The following TYW1 variants were observed in gnomAD, a reference collection of about 807,000 sequenced individuals.
The protein encoded by TYW1 is tRNA-yW synthesizing protein 1 homolog, also known as S-adenosyl-L-methionine-dependent tRNA 4-demethylwyosine synthase TYW1.
Under a neutral mutation model 96.2 loss-of-function variants are expected in TYW1, and 46 were observed. The ratio of observed to expected loss-of-function variants is 0.48; its 90% confidence interval spans 0.38 to 0.61. The LOEUF is 0.61. Ranked by LOEUF, TYW1 falls within the 20% of genes least tolerant of loss-of-function variation. The pLI, the probability that TYW1 is intolerant of heterozygous loss-of-function variation, is 0.00. For missense variants in TYW1, 684 were observed against 909.6 expected (o/e 0.75, Z 3.19); for synonymous variants, 274 against 323.0 (o/e 0.85, Z 1.63).
chr7:67,005,465 A>G (rs1212906800), intron 3 of TYW1, among the ~76,000 whole-genome samples: 2 of 152,176 alleles, frequency 1.3e-5, no homozygotes, highest in Non-Finnish European at 2.9e-5. Context: ...GCATGGTGGC[A>G]TGTGCCTGTA....
intron 7 of TYW1, among the ~76,000 whole-genome samples, chr7:67,027,077 G>A (rs534371180): frequency 2.6e-4 from 39 of 151,956 alleles, no homozygotes; most frequent in Admixed American, 1.8e-3. Flanking sequence ...GCATGTGCCC[G>A]TAGTCACAAC....
In TYW1 at chr7:67,009,652, G is replaced by A. The variant is rs200546877; in HGVS notation, c.343G>A (p.Glu115Lys). The A allele has an allele frequency of 8.1e-6, 13 of 1,611,130 alleles. No individual in the cohort carries two copies. In the African/African-American group the frequency reaches 1.7e-4, roughly 22 times the overall value. Residue 115 changes from glutamate to lysine, a missense_variant, in exon 4 of 16, where the codon GAA becomes AAA. Transcript: ENST00000359626. ...GCCTGTGGCCATTATTAATCTAAAAGAATATGATCCAGATGATCATCTGAT... is the reference window on the plus strand; with the variant it reads ...GCCTGTGGCCATTATTAATCTAAAAAAATATGATCCAGATGATCATCTGAT... ...DLPVAIINLK[E>K]YDPDDHLIEE... is the part of the protein sequence containing the mutation.
intron 7 of TYW1, among the ~76,000 whole-genome samples, chr7:67,036,050 T>C (rs1794833348): frequency 6.7e-6 from 1 of 149,864 alleles, no homozygotes; most frequent in African/African-American, 2.4e-5. Context: ...CTTTTTTTTT[T>C]TTTTTTGAGG....
rs539134067 is a variant in TYW1 at position 67,061,551 on chromosome 7, A to C, written c.1155+5664A>C. ...AGGATCTTTGGCCTTCCAGGAAGTG[A>C]CCATTTTTACTGACTCACTGGAAGT... On this transcript the variant is annotated intron_variant, in intron 9 of 15. Transcript: ENST00000359626. Among the ~76,000 whole-genome samples, 603 of 152,286 alleles carry C rather than the reference A, an allele frequency of 4.0e-3. 3 individuals carry two copies. Among genetic ancestry groups the C allele is most frequent in the Admixed American group, 0.025 (375 of 15,288 alleles).
Position 67,022,021 on chromosome 7 carries a change from C to G in TYW1, c.862-2879C>G, listed in dbSNP as rs1371919616. 2.6e-5 allele frequency among the ~76,000 whole-genome samples: 4 copies of G among 152,180 alleles called. No homozygotes were observed. The East Asian group carries it at 7.7e-4, about 29-fold the overall frequency. On this transcript the variant is annotated intron_variant, in intron 6 of 15. Coordinates refer to ENST00000359626, the MANE Select transcript of TYW1 (RefSeq NM_018264.4). ...TAACTCCTGGGCTCAAGTGATCCTC[C>G]TATCTCAGCCTCCTGAGTAGCTGGG...
In TYW1 at chr7:67,238,841, C is replaced by A. The variant is rs1185584868; in HGVS notation, c.*312C>A. On this transcript the variant is annotated 3_prime_UTR_variant, in exon 16 of 16. Coordinates refer to ENST00000359626, the MANE Select transcript of TYW1 (RefSeq NM_018264.4). ...GGTTTTGTATTATAACTTGTAAGAC[C>A]TGCCAGAATGCTAGTCCCGAGAGTG... 9 of 1,151,328 alleles carry A rather than the reference C, an allele frequency of 7.8e-6. No homozygotes were observed. The highest frequency in any genetic ancestry group is 9.7e-6 in the Non-Finnish European group (9 of 931,434). The allele number at this position is 1,151,328 out of a possible 1,614,324, so 71.3% of individuals were successfully genotyped here.
chr7:67,189,979 T>C lies in TYW1; in HGVS notation c.1810-5191T>C, dbSNP rs562004440. Among the ~76,000 whole-genome samples, 10 of 148,346 alleles carry C rather than the reference T, an allele frequency of 6.7e-5. 1 individual carries two copies. Among genetic ancestry groups the C allele is most frequent in the South Asian group, 6.5e-4 (3 of 4,626 alleles). On this transcript the variant is annotated intron_variant, in intron 14 of 15. Coordinates refer to ENST00000359626, the MANE Select transcript of TYW1 (RefSeq NM_018264.4). ...CAACCATCTGTCTTGCTGAAAACTT[T>C]TGTAACACAATCCATTTGTAAATGA... is the stretch of plus-strand genomic sequence containing the variant.
At chr7:67,212,874 A>G (rs4639397) in intron 15 of TYW1, among the ~76,000 whole-genome samples, 5,996 of 151,614 alleles carry the variant, frequency 0.04, 325 homozygotes, top group East Asian at 0.18. Flanking sequence ...ATTTTTATTT[A>G]TTTATTTTTT....
At chr7:67,042,123 CTAAT>C (rs1481128506) in intron 7 of TYW1, among the ~76,000 whole-genome samples, 16 of 145,788 alleles carry the variant, frequency 1.1e-4, no homozygotes, top group South Asian at 2.1e-4. Context: ...ATAATTTTAA[CTAAT>C]TATTCTGATA....
intron 11 of TYW1, among the ~76,000 whole-genome samples, chr7:67,084,878 A>G (rs1796500367): frequency 6.6e-6 from 1 of 152,174 alleles, no homozygotes; most frequent in Non-Finnish European, 1.5e-5. Flanking sequence ...TTTGAGAACC[A>G]CTACTGTACA....
At chr7:67,098,840 G>T (rs1797002812) in intron 12 of TYW1, 122 bp downstream of exon 12, 2 of 1,110,928 alleles carry the variant, frequency 1.8e-6, no homozygotes, top group Non-Finnish European at 2.5e-6. Context: ...CAAATGTTGG[G>T]CTTTGGGAGG....
chr7:67,056,488 A>T lies in TYW1; in HGVS notation c.1155+601A>T, dbSNP rs147021408. 3.0e-3 allele frequency among the ~76,000 whole-genome samples: 446 copies of T among 149,500 alleles called. 4 individuals are homozygous for T. Among genetic ancestry groups the T allele is most frequent in the African/African-American group, 0.01 (414 of 40,646 alleles). ...GCCTGGGTGATAAGAGTGAGATTCCATCTCAAAAAAAAAAAAAAAAAGAAT... is the reference window on the plus strand; with the variant it reads ...GCCTGGGTGATAAGAGTGAGATTCCTTCTCAAAAAAAAAAAAAAAAAGAAT... On this transcript the variant is annotated intron_variant, in intron 9 of 15. Transcript: ENST00000359626.
At chr7:67,093,528 C>T (rs1261042679) in intron 11 of TYW1, among the ~76,000 whole-genome samples, 2 of 152,146 alleles carry the variant, frequency 1.3e-5, no homozygotes, top group Admixed American at 1.3e-4. Flanking sequence ...CCTTTCTACT[C>T]AGCTGCTCAT....
At chr7:67,039,056 T>C (rs1794931798) in intron 7 of TYW1, among the ~76,000 whole-genome samples, 1 of 152,228 alleles carries the variant, frequency 6.6e-6, no homozygotes, top group African/African-American at 2.4e-5. Context: ...TCTGATCCCC[T>C]AAGCATTTCA....
At chr7:67,185,789 A>G (rs1413369470) in intron 14 of TYW1, among the ~76,000 whole-genome samples, 2 of 152,358 alleles carry the variant, frequency 1.3e-5, no homozygotes, top group African/African-American at 2.4e-5. Context: ...CTAATTGTCC[A>G]CAAGACAAGA....
At chr7:67,174,859 G>A (rs1010658311) in intron 13 of TYW1, among the ~76,000 whole-genome samples, 3 of 152,080 alleles carry the variant, frequency 2.0e-5, no homozygotes, top group Non-Finnish European at 2.9e-5. Context: ...ACATTAAAAA[G>A]ATAGGAGGAT....
chr7:67,155,435 C>G (rs918975433), intron 13 of TYW1, among the ~76,000 whole-genome samples: 7 of 152,164 alleles, frequency 4.6e-5, no homozygotes, highest in Non-Finnish European at 8.8e-5. Flanking sequence ...CACCTTCCAC[C>G]GTGAGTGTAT....
intron 6 of TYW1, among the ~76,000 whole-genome samples, chr7:67,023,776 A>AAAC (rs1299113819): frequency 1.3e-5 from 2 of 152,092 alleles, no homozygotes; most frequent in Admixed American, 6.5e-5. Context: ...ACAACAACAA[A>AAAC]AACAACAACA....
At chr7:67,005,779 T>G (rs773251997) in intron 3 of TYW1, among the ~76,000 whole-genome samples, 1 of 152,186 alleles carries the variant, frequency 6.6e-6, no homozygotes, top group Non-Finnish European at 1.5e-5. Context: ...CTTAAAACCC[T>G]GCACTGACCC....
Sources: allele counts gnomAD v4.1 joint callset (sites outside exome capture counted in the v4.1 genomes callset), GRCh38; gene constraint gnomAD v4.1.1; transcripts MANE v1.5; gene names NCBI Gene and HGNC (gene_info 2026-07-23, HGNC 2026-07-21).